The following LEMD1 variants were observed in gnomAD, a reference collection of about 807,000 sequenced individuals.
LEMD1 encodes the protein LEM domain-containing protein 1.
In LEMD1, 18 loss-of-function variants were observed where a neutral mutation model predicts 17.4. The observed-to-expected ratio is 1.04, with a 90% confidence interval of 0.72 to 1.54. LEMD1 has a LOEUF of 1.54. LEMD1 is among the 40% of genes most tolerant of loss of function. The probability of loss-of-function intolerance (pLI) is 0.00; values close to 1 mark genes in which losing one functional copy is unlikely to be tolerated. For synonymous variants in LEMD1, 88 were observed against 77.8 expected (o/e 1.13, Z -0.69); for missense variants, 195 against 210.4 (o/e 0.93, Z 0.45).
chr1:205,389,037 C>CTTTTTTTTTTTTTTTTTTT (rs61341380), intron 4 of LEMD1, among the ~76,000 whole-genome samples: 1 of 77,828 alleles, frequency 1.3e-5, no homozygotes, highest in African/African-American at 4.8e-5. Context: ...CATTTGCTTT[C>CTTTTTTTTTTTTTTTTTTT]TTTTTTTTTT....
intron 1 of LEMD1, among the ~76,000 whole-genome samples, chr1:205,444,244 C>A (rs1279276814): frequency 2.0e-5 from 3 of 152,090 alleles, no homozygotes; most frequent in Non-Finnish European, 2.9e-5. Flanking sequence ...ACTGGACAAA[C>A]CTCCTGCTAC....
At chr1:205,440,862 C>T (rs1393824055) in intron 1 of LEMD1, 2 of 152,300 alleles carry the variant, frequency 1.3e-5, no homozygotes, top group Non-Finnish European at 2.9e-5. Flanking sequence ...AAGCCCCAGC[C>T]AGAAGCAGGC....
At chr1:205,383,225 C>G (rs1290696140) in intron 5 of LEMD1, among the ~76,000 whole-genome samples, 1 of 152,156 alleles carries the variant, frequency 6.6e-6, no homozygotes, top group Non-Finnish European at 1.5e-5. Context: ...TCCCAGGTAA[C>G]TGGGACTGTA....
In LEMD1 at chr1:205,447,475, CAG is replaced by C. The variant is rs202052997; in HGVS notation, c.-39+2391_-39+2392del. ...GTCTTAGACAGACTGGGGACTGGAA[CAG>C]GGAGTAGGAGGCGGGGTACGAGGAT... is the stretch of plus-strand genomic sequence containing the variant. On this transcript the variant is annotated intron_variant, in intron 1 of 3. Transcript: ENST00000367154. 5.7e-3 allele frequency among the ~76,000 whole-genome samples: 873 copies of C among 152,180 alleles called. 14 individuals are homozygous for C. Among genetic ancestry groups the C allele is most frequent in the South Asian group, 0.032 (155 of 4,822 alleles).
chr1:205,419,896 G>A (rs532204742), intron 2 of LEMD1, among the ~76,000 whole-genome samples: 3 of 152,312 alleles, frequency 2.0e-5, no homozygotes, highest in South Asian at 4.2e-4. Flanking sequence ...ACACAGACAA[G>A]GCTGTGCATC....
chr1:205,384,831 C>T (rs568664576), intron 4 of LEMD1, among the ~76,000 whole-genome samples: 1 of 152,142 alleles, frequency 6.6e-6, no homozygotes, highest in East Asian at 1.9e-4. Context: ...GTAGGGGACT[C>T]CCAGGAATGT....
At chr1:205,400,594 C>G (rs1048099633) in intron 4 of LEMD1, among the ~76,000 whole-genome samples, 1 of 152,208 alleles carries the variant, frequency 6.6e-6, no homozygotes, top group Non-Finnish European at 1.5e-5. Flanking sequence ...ACTTGGTCTT[C>G]TGTTCCCCCT....
intron 5 of LEMD1, among the ~76,000 whole-genome samples, chr1:205,384,047 T>C (rs1232281413): frequency 1.3e-5 from 2 of 151,916 alleles, no homozygotes; most frequent in African/African-American, 4.8e-5. Flanking sequence ...GGCTGTGATC[T>C]CAGTCCACTG....
chr1:205,397,078 G>T (rs1051341416), intron 4 of LEMD1, among the ~76,000 whole-genome samples: 7 of 152,094 alleles, frequency 4.6e-5, no homozygotes, highest in African/African-American at 1.4e-4. Context: ...TTTGTGATTG[G>T]AAGGTTCACC....
rs148950389 is a variant in LEMD1 at position 205,394,247 on chromosome 1, A to G, written c.271-9883T>C. On this transcript the variant is annotated intron_variant, in intron 4 of 5. Transcript: ENST00000367153. ...AGAGCGACTGGCGGGTAACCGCTTA[A>G]TGGGTATTGGTTTTATTTTAGGGTG... Among the ~76,000 whole-genome samples the G allele has an allele frequency of 8.2e-3, 1,242 of 152,114 alleles. 13 individuals are homozygous for G. The highest frequency in any genetic ancestry group is 0.029 in the African/African-American group (1,184 of 41,448).
At chr1:205,431,209 C>T (rs1439708067) in intron 1 of LEMD1, among the ~76,000 whole-genome samples, 1 of 152,220 alleles carries the variant, frequency 6.6e-6, no homozygotes, top group Non-Finnish European at 1.5e-5. Context: ...CATTCCTGAC[C>T]TCTCCGTACC....
At position 205,382,186 on chromosome 1, in the gene LEMD1, G is replaced by A. The variant is rs575307418; in HGVS notation, c.348-330C>T. The A allele has an allele frequency of 2.5e-5, 6 of 236,992 alleles. No homozygotes were observed. The South Asian group carries it at 3.6e-4, about 14-fold the overall frequency. The allele number at this position is 236,992 out of a possible 1,614,324, so 14.7% of individuals were successfully genotyped here. ...CCAGCTAATTAAAAAAAAAAATTTC[G>A]TAGGCCAGGTGTGGTGGTTCACACC... is the stretch of plus-strand genomic sequence containing the variant. On this transcript the variant is annotated intron_variant, in intron 5 of 5. Coordinates refer to ENST00000367153, the MANE Select transcript of LEMD1 (RefSeq NM_001199050.2).
At chr1:205,412,981 G>A (rs960534991) in intron 4 of LEMD1, among the ~76,000 whole-genome samples, 2 of 152,218 alleles carry the variant, frequency 1.3e-5, no homozygotes, top group African/African-American at 4.8e-5. Flanking sequence ...CCTTTAATGA[G>A]CTATTTGGAA....
At chr1:205,443,112 G>C (rs1001766208) in intron 1 of LEMD1, among the ~76,000 whole-genome samples, 2 of 152,138 alleles carry the variant, frequency 1.3e-5, no homozygotes, top group Non-Finnish European at 2.9e-5. Context: ...TCTTGCTGGG[G>C]ATATAAGTCA....
At chr1:205,417,567 AGG>A (rs1428799287) in intron 3 of LEMD1, among the ~76,000 whole-genome samples, 1 of 152,176 alleles carries the variant, frequency 6.6e-6, no homozygotes, top group Non-Finnish European at 1.5e-5. Context: ...ATCTACAACC[AGG>A]AGAGGCCTGG....
At chr1:205,438,393 A>C (rs1887976) in intron 1 of LEMD1, among the ~76,000 whole-genome samples, 144,124 of 152,278 alleles carry the variant, frequency 0.95, 68,730 homozygotes, top group East Asian at 1. Context: ...CAGCCAGGCC[A>C]ACCCTAGAAG....
intron 4 of LEMD1, among the ~76,000 whole-genome samples, chr1:205,414,606 A>G (rs1665607616): frequency 6.6e-6 from 1 of 151,874 alleles, no homozygotes; most frequent in African/African-American, 2.4e-5. Flanking sequence ...TTTATTTTGT[A>G]GAGACATGGT....
intron 1 of LEMD1, among the ~76,000 whole-genome samples, chr1:205,443,228 C>G (rs1259263966): frequency 2.0e-5 from 3 of 152,140 alleles, no homozygotes; most frequent in Non-Finnish European, 4.4e-5. Context: ...CTAAAACAAG[C>G]CAGGCAGGTA....
intron 1 of LEMD1, among the ~76,000 whole-genome samples, chr1:205,427,789 G>A (rs1027066974): frequency 6.6e-5 from 10 of 152,148 alleles, no homozygotes; most frequent in Non-Finnish European, 1.3e-4. Flanking sequence ...AAGGAATGAG[G>A]CTGAGATGGA....
Sources: allele counts gnomAD v4.1 joint callset (sites outside exome capture counted in the v4.1 genomes callset), GRCh38; gene constraint gnomAD v4.1.1; transcripts MANE v1.5; gene names NCBI Gene and HGNC (gene_info 2026-07-23, HGNC 2026-07-21).